Variants in NPR3 observed in about 807,000 individuals in gnomAD.
NPR3 encodes the protein atrial natriuretic peptide receptor 3.
In NPR3, 34 loss-of-function variants were observed where a neutral mutation model predicts 54.5. The observed-to-expected ratio is 0.62, with a 90% confidence interval of 0.47 to 0.83. The LOEUF (loss-of-function observed/expected upper bound fraction) is 0.83. NPR3 is among the 40% of genes least tolerant of loss of function. The probability of loss-of-function intolerance (pLI) is 0.00; values close to 1 mark genes in which losing one functional copy is unlikely to be tolerated. For missense variants in NPR3, 674 were observed against 720.8 expected, an observed-to-expected ratio of 0.94 and a Z score of 0.74; for synonymous variants, 289 against 297.1, an observed-to-expected ratio of 0.97 and a Z score of 0.28.
Position 32,768,366 on chromosome 5 carries a change from C to T in NPR3, c.1060-6342C>T, listed in dbSNP as rs989700770. Among the ~76,000 whole-genome samples the T allele has an allele frequency of 6.6e-5, 10 of 152,168 alleles. 1 individual carries two copies. Among genetic ancestry groups the T allele is most frequent in the African/African-American group, 7.2e-5 (3 of 41,430 alleles). ...TGGGACGAGAAGCATCTGTATATGA[C>T]GCATGTGTGACACATCCAAAGGGCA... On this transcript the variant is annotated intron_variant, in intron 3 of 7. Coordinates refer to ENST00000265074, the MANE Select transcript of NPR3 (RefSeq NM_001204375.2).
rs776867828 is a variant in NPR3 at position 32,789,574 on chromosome 5, C to T, written c.*3229C>T. The stretch of plus-strand genomic sequence containing the variant: ...AAAAGAACACCTCCTTTTCTCCTTT[C>T]TCTTAAATTCAAAGACGTTTGCTTT... On this transcript the variant is annotated 3_prime_UTR_variant, in exon 8 of 8. Coordinates refer to ENST00000265074, the MANE Select transcript of NPR3 (RefSeq NM_001204375.2). 9.4e-6 allele frequency: 5 copies of T among 534,728 alleles called. No homozygotes were observed. The highest frequency in any genetic ancestry group is 1.9e-5 in the Admixed American group (1 of 51,590). 33.1% of individuals were successfully genotyped at this position (534,728 alleles called of 1,614,324 possible).
At chr5:32,748,130 T>C (rs1303541577) in intron 3 of NPR3, among the ~76,000 whole-genome samples, 1 of 152,248 alleles carries the variant, frequency 6.6e-6, no homozygotes, top group Non-Finnish European at 1.5e-5. Flanking sequence ...TTGCTGGGTA[T>C]AAAATTTTCT....
chr5:32,773,340 A>T (rs1006816089), intron 3 of NPR3, among the ~76,000 whole-genome samples: 1 of 152,180 alleles, frequency 6.6e-6, no homozygotes, highest in African/African-American at 2.4e-5. Context: ...ATGGGTTTAA[A>T]TGTGGTATTA....
At chr5:32,750,126 T>TGAG (rs1740500718) in intron 3 of NPR3, among the ~76,000 whole-genome samples, 2 of 152,274 alleles carry the variant, frequency 1.3e-5, no homozygotes, top group Admixed American at 1.3e-4. Context: ...TCAGTTACCT[T>TGAG]TTCCGAACTT....
chr5:32,769,795 C>A (rs1189273245), intron 3 of NPR3, among the ~76,000 whole-genome samples: 1 of 152,238 alleles, frequency 6.6e-6, no homozygotes, highest in Non-Finnish European at 1.5e-5. Context: ...CTAGACCACT[C>A]TCACTTTACA....
rs980733872 is a variant in NPR3 at position 32,786,635 on chromosome 5, G to A, written c.*290G>A. The A allele has an allele frequency of 9.5e-6, 3 of 315,304 alleles. No individual in the cohort carries two copies. The East Asian group carries it at 2.5e-4, about 26-fold the overall frequency. The allele number at this position is 315,304 out of a possible 1,614,324, so 19.5% of individuals were successfully genotyped here. A position where few individuals can be genotyped will look rare whatever the true frequency, so the allele number is the denominator to read the frequency against. Reference sequence around the variant, plus strand: ...TAGATTTATGTTTTTAAAATCTGTTGTCTCCATATCTTGATGGCTTTTGGG... The same window carrying A: ...TAGATTTATGTTTTTAAAATCTGTTATCTCCATATCTTGATGGCTTTTGGG... On this transcript the variant is annotated 3_prime_UTR_variant, in exon 8 of 8. Coordinates refer to ENST00000265074, the MANE Select transcript of NPR3 (RefSeq NM_001204375.2).
At chr5:32,750,632 AGGTGG>A (rs1041392622) in intron 3 of NPR3, among the ~76,000 whole-genome samples, 2 of 151,870 alleles carry the variant, frequency 1.3e-5, no homozygotes, top group Non-Finnish European at 2.9e-5. Context: ...TGTGGGGTGG[AGGTGG>A]GGTGGGGAAT....
At chr5:32,729,960 C>A (rs887125675) in intron 2 of NPR3, among the ~76,000 whole-genome samples, 4 of 152,160 alleles carry the variant, frequency 2.6e-5, no homozygotes, top group Admixed American at 2.6e-4. Context: ...TACCACTTCT[C>A]CTCCTAATGT....
chr5:32,785,773 A>G (rs756377716), intron 7 of NPR3, among the ~76,000 whole-genome samples: 1 of 152,148 alleles, frequency 6.6e-6, no homozygotes, highest in Non-Finnish European at 1.5e-5. Flanking sequence ...TTCCTTTGTA[A>G]TCTTTGGTGG....
At chr5:32,758,659 T>G (rs576767672) in intron 3 of NPR3, among the ~76,000 whole-genome samples, 2 of 152,282 alleles carry the variant, frequency 1.3e-5, no homozygotes, top group South Asian at 4.1e-4. Flanking sequence ...TTGAATGTGT[T>G]TGCTCTTGCT....
chr5:32,734,557 A>G (rs1739629681), intron 2 of NPR3, among the ~76,000 whole-genome samples: 1 of 152,150 alleles, frequency 6.6e-6, no homozygotes. Flanking sequence ...CAGCATTAGA[A>G]TCCACCACTC....
intron 3 of NPR3, among the ~76,000 whole-genome samples, chr5:32,751,923 T>G (rs1000999007): frequency 2.0e-5 from 3 of 152,182 alleles, no homozygotes; most frequent in Non-Finnish European, 2.9e-5. Flanking sequence ...AACTTGGGGC[T>G]GGGTGTGGTG....
At chr5:32,693,928 G>A (rs1177051120) in intron 1 of NPR3, among the ~76,000 whole-genome samples, 1 of 152,082 alleles carries the variant, frequency 6.6e-6, no homozygotes, top group Non-Finnish European at 1.5e-5. Context: ...ATCTGCTTCC[G>A]GCTCTCCTTC....
chr5:32,716,363 T>C (rs1738545571), intron 1 of NPR3: 1 of 435,548 alleles, frequency 2.3e-6, no homozygotes, highest in Middle Eastern at 3.3e-4. Context: ...CTTAATAACA[T>C]GCTACTTTTT....
At chr5:32,753,137 G>C (rs1317012842) in intron 3 of NPR3, among the ~76,000 whole-genome samples, 2 of 152,126 alleles carry the variant, frequency 1.3e-5, no homozygotes, top group Admixed American at 1.3e-4. Context: ...TCTTTTCCAA[G>C]CAATGAGCTT....
At chr5:32,700,850 T>A (rs1454738921) in intron 1 of NPR3, among the ~76,000 whole-genome samples, 3 of 152,250 alleles carry the variant, frequency 2.0e-5, no homozygotes, top group African/African-American at 7.2e-5. Flanking sequence ...AGTGCCACAA[T>A]AAACATACAT....
chr5:32,771,467 T>C (rs1741756869), intron 3 of NPR3, among the ~76,000 whole-genome samples: 1 of 152,240 alleles, frequency 6.6e-6, no homozygotes, highest in African/African-American at 2.4e-5. Context: ...AAGTTCATTG[T>C]TCTCCACCAC....
At position 32,711,606 on chromosome 5, in the gene NPR3, A is replaced by G; in HGVS notation, c.-171A>G. The G allele has an allele frequency of 8.0e-7, 1 of 1,246,822 alleles. No homozygotes were observed. The highest frequency in any genetic ancestry group is 1.0e-6 in the Non-Finnish European group (1 of 999,456). The allele number at this position is 1,246,822 out of a possible 1,614,324, so 77.2% of individuals were successfully genotyped here. ...AAAACTAGTGACATTGCAGAGAAGGACGCTTCCTCTCTATCTTTTGGCGCA... is the reference window on the plus strand; with the variant it reads ...AAAACTAGTGACATTGCAGAGAAGGGCGCTTCCTCTCTATCTTTTGGCGCA... On this transcript the variant is annotated 5_prime_UTR_variant, in exon 1 of 8. Coordinates refer to ENST00000265074, the MANE Select transcript of NPR3 (RefSeq NM_001204375.2).
intron 3 of NPR3, among the ~76,000 whole-genome samples, chr5:32,768,009 T>A (rs115018539): frequency 7.9e-5 from 12 of 152,184 alleles, no homozygotes; most frequent in Admixed American, 7.9e-4. Context: ...TCTTCCTGTT[T>A]GTATTGCTGC....
Sources: allele counts gnomAD v4.1 joint callset (sites outside exome capture counted in the v4.1 genomes callset), GRCh38; gene constraint gnomAD v4.1.1; transcripts MANE v1.5; gene names NCBI Gene and HGNC (gene_info 2026-07-23, HGNC 2026-07-21).